The following CARF variants were observed in gnomAD, a reference collection of about 807,000 sequenced individuals.
CARF encodes the protein calcium-responsive transcription factor.
In CARF, 57 loss-of-function variants were observed where a neutral mutation model predicts 82.0. That is an observed-to-expected ratio of 0.70 (90% CI 0.56 to 0.87). The LOEUF is 0.87. CARF is among the 40% of genes least tolerant of loss of function. CARF has a pLI of 0.00. For synonymous variants in CARF, 268 were observed against 290.1 expected (o/e 0.92, Z 0.77); for missense variants, 771 against 855.8 (o/e 0.90, Z 1.24).
chr2:202,979,074 T>G (rs2060142762), intron 14 of CARF, among the ~76,000 whole-genome samples: 1 of 152,090 alleles, frequency 6.6e-6, no homozygotes, highest in Non-Finnish European at 1.5e-5. Context: ...CTGGCCAACA[T>G]GGTGAAACCT....
chr2:202,929,204 C>T (rs1421991297), intron 3 of CARF, among the ~76,000 whole-genome samples: 1 of 152,200 alleles, frequency 6.6e-6, no homozygotes, highest in African/African-American at 2.4e-5. Flanking sequence ...TAGTTTGATA[C>T]AAATCCATTT....
chr2:202,943,858 G>C (rs2058364475), intron 5 of CARF, among the ~76,000 whole-genome samples: 1 of 152,062 alleles, frequency 6.6e-6, no homozygotes, highest in African/African-American at 2.4e-5. Context: ...ATGTTGGCCA[G>C]GCTTGTCTTG....
chr2:202,974,307 C>T (rs2059935056), intron 12 of CARF, 27 bp from the exon 13 acceptor site: 3 of 1,541,300 alleles, frequency 1.9e-6, no homozygotes, highest in Non-Finnish European at 2.6e-6. Flanking sequence ...TGGTTTATGT[C>T]TTTATTCCAT....
At position 202,953,989 on chromosome 2, in the gene CARF, T is replaced by A; in HGVS notation, c.428-16T>A. On this transcript the variant is annotated splice_polypyrimidine_tract_variant and intron_variant, in intron 6 of 16. Coordinates refer to ENST00000438828, the MANE Select transcript of CARF (RefSeq NM_024744.17). ...CAAGATATTGATGTTACTTTGTTCTTGTTTTTGTTGTTAAGATGTCCCTGA... is the reference window on the plus strand; with the variant it reads ...CAAGATATTGATGTTACTTTGTTCTAGTTTTTGTTGTTAAGATGTCCCTGA... The A allele has an allele frequency of 6.3e-7, 1 of 1,589,148 alleles. No individual in the cohort carries two copies. The highest frequency in any genetic ancestry group is 8.5e-7 in the Non-Finnish European group (1 of 1,170,222).
At chr2:202,946,816 G>T (rs545138590) in intron 5 of CARF, among the ~76,000 whole-genome samples, 4 of 152,160 alleles carry the variant, frequency 2.6e-5, no homozygotes, top group Non-Finnish European at 4.4e-5. Context: ...CAAAAAGTGG[G>T]CAAAGGATAT....
chr2:202,924,637 A>C (rs1691457704), intron 3 of CARF: 1 of 153,558 alleles, frequency 6.5e-6, no homozygotes, highest in Admixed American at 6.5e-5. Flanking sequence ...CAGAAGTCCT[A>C]CATGGTATCC....
chr2:202,948,643 G>T (rs978954684), intron 5 of CARF, among the ~76,000 whole-genome samples: 3 of 152,054 alleles, frequency 2.0e-5, no homozygotes, highest in Non-Finnish European at 4.4e-5. Context: ...TTTGGCCCTT[G>T]TCTTGGTTGT....
intron 2 of CARF, among the ~76,000 whole-genome samples, chr2:202,918,575 C>T (rs982384508): frequency 9.2e-5 from 14 of 151,974 alleles, no homozygotes; most frequent in East Asian, 1.9e-4. Flanking sequence ...TTTACTTTGA[C>T]GGAGTTAATT....
At chr2:202,952,937 A>G (rs2058823915) in intron 6 of CARF, among the ~76,000 whole-genome samples, 1 of 152,192 alleles carries the variant, frequency 6.6e-6, no homozygotes, top group Non-Finnish European at 1.5e-5. Context: ...TGAGCATAAA[A>G]TAAATTATTA....
intron 3 of CARF, chr2:202,924,999 G>T: frequency 5.2e-6 from 2 of 385,280 alleles, no homozygotes; most frequent in Non-Finnish European, 1.0e-5. Context: ...AGATACTGGA[G>T]ACCAAGTGGA....
chr2:202,941,753 A>G (rs1398153669), intron 3 of CARF, 107 bp from the exon 4 acceptor site: 5 of 521,386 alleles, frequency 9.6e-6, no homozygotes, highest in African/African-American at 3.9e-5. Context: ...GATTTTACCT[A>G]AATTATATAG....
At chr2:202,980,257 C>T (rs769715268) in intron 14 of CARF, among the ~76,000 whole-genome samples, 3 of 151,820 alleles carry the variant, frequency 2.0e-5, no homozygotes, top group Admixed American at 6.6e-5. Flanking sequence ...TTCGCCTGGC[C>T]GATAATTAGT....
chr2:202,971,573 T>G lies in CARF; in HGVS notation c.1166T>G (p.Leu389Trp). Residue 389 changes from leucine to tryptophan, a missense_variant, in exon 12 of 17, where the codon TTG becomes TGG. Physicochemically the swap from Leu to Trp is moderately conservative, Grantham distance 61. Transcript: ENST00000438828. The stretch of plus-strand genomic sequence containing the variant: ...GAATTAGAGACTCCCTGCCTCACTT[T>G]GTCACCTTCTCCTTTTCCTGTGTCT... The part of the protein sequence containing the change: ...YHELETPCLT[L>W]SPSPFPVSSL... 1 of 1,613,788 alleles carries G rather than the reference T, an allele frequency of 6.2e-7. No individual in the cohort carries two copies. The highest frequency in any genetic ancestry group is 8.5e-7 in the Non-Finnish European group (1 of 1,179,818).
chr2:202,954,734 G>C (rs2058950937), intron 7 of CARF, among the ~76,000 whole-genome samples: 1 of 146,842 alleles, frequency 6.8e-6, no homozygotes. Context: ...AAAAGACTGG[G>C]CACAGTGGCT....
Position 202,978,400 on chromosome 2 carries a change from A to G in CARF, c.1558+1068A>G, listed in dbSNP as rs543196683. ...GTACCACTTTTTCAGGAATTTTGCA[A>G]TGGCAAATGGGGTTGAGGGAACGTA... On this transcript the variant is annotated intron_variant, in intron 14 of 16. Transcript: ENST00000438828. Among the ~76,000 whole-genome samples, 9 of 152,246 alleles carry G rather than the reference A, an allele frequency of 5.9e-5. 1 individual carries two copies. The highest frequency in any genetic ancestry group is 2.0e-4 in the Admixed American group (3 of 15,280).
intron 12 of CARF, among the ~76,000 whole-genome samples, chr2:202,972,700 G>C (rs937503933): frequency 7.1e-6 from 1 of 141,748 alleles, no homozygotes; most frequent in African/African-American, 2.5e-5. Flanking sequence ...AAAAAAGGCA[G>C]TGGCAGAACT....
At chr2:202,920,481 C>A (rs931236194) in intron 2 of CARF, among the ~76,000 whole-genome samples, 1 of 152,064 alleles carries the variant, frequency 6.6e-6, no homozygotes, top group Non-Finnish European at 1.5e-5. Flanking sequence ...ATTGATCTAT[C>A]ATAATAGTGC....
At chr2:202,931,738 G>C (rs917173127) in intron 3 of CARF, among the ~76,000 whole-genome samples, 3 of 145,226 alleles carry the variant, frequency 2.1e-5, no homozygotes, top group Non-Finnish European at 4.4e-5. Context: ...CAATAACTGG[G>C]TGCTCATTCT....
At chr2:202,983,402 A>G (rs772318619) in intron 16 of CARF, 104 bp from the exon 17 acceptor site, 3 of 743,688 alleles carry the variant, frequency 4.0e-6, no homozygotes, top group African/African-American at 1.8e-5. Context: ...TTGAAGAACA[A>G]AAGTTTTCAC....
Sources: gnomAD v4.1 joint callset for allele counts (sites outside exome capture counted in the v4.1 genomes callset) on GRCh38, gnomAD v4.1.1 for gene constraint, MANE v1.5 for transcripts, NCBI Gene and HGNC (gene_info 2026-07-23, HGNC 2026-07-21) for gene names.